AQP9: variants seen among roughly 807,000 people sequenced by gnomAD.
AQP9 encodes aquaporin-9.
In AQP9, 19 loss-of-function variants were observed where a neutral mutation model predicts 23.8. That is an observed-to-expected ratio of 0.80 (90% CI 0.56 to 1.17). The LOEUF (loss-of-function observed/expected upper bound fraction) is 1.17, where lower values mean the gene tolerates loss of function less well. Ranked by LOEUF, AQP9 falls within the 50% of genes most tolerant of loss-of-function variation. The pLI is 0.00. For missense variants in AQP9, 413 were observed against 362.0 expected (o/e 1.14, Z -1.14); for synonymous variants, 153 against 131.5 (o/e 1.16, Z -1.12).
chr15:58,145,391 T>C (rs887480370), intron 1 of AQP9, among the ~76,000 whole-genome samples: 1 of 151,610 alleles, frequency 6.6e-6, no homozygotes, highest in Admixed American at 6.6e-5. Flanking sequence ...TAATCCCAGC[T>C]ACTCAGGAGG....
rs990682617 is a variant in AQP9, at chr15:58,182,061, T to C, written c.714-1900T>C. 1.5e-4 allele frequency among the ~76,000 whole-genome samples: 23 copies of C among 152,288 alleles called. 1 individual carries two copies. The highest frequency in any genetic ancestry group is 7.8e-4 in the Admixed American group (12 of 15,304). On this transcript the variant is annotated intron_variant, in intron 5 of 5. Coordinates refer to ENST00000219919, the MANE Select transcript of AQP9 (RefSeq NM_020980.5). ...TCCTGAACGGCAAGCAGTGGAATGA[T>C]GGCAGGTACAGCGAGATGCCAGAGG...
chr15:58,158,755 A>G (rs1898314342), intron 1 of AQP9, among the ~76,000 whole-genome samples: 1 of 152,234 alleles, frequency 6.6e-6, no homozygotes, highest in Non-Finnish European at 1.5e-5. Flanking sequence ...CACAAAAGGT[A>G]GATAGAAGAC....
intron 2 of AQP9, among the ~76,000 whole-genome samples, chr15:58,169,424 C>G (rs773209573): frequency 6.6e-6 from 1 of 152,206 alleles, no homozygotes; most frequent in Non-Finnish European, 1.5e-5. Context: ...TGCAGCACAA[C>G]ACACTGGCCC....
At position 58,181,665 on chromosome 15, in the gene AQP9, T is replaced by C. The variant is rs1012887365; in HGVS notation, c.714-2296T>C. On this transcript the variant is annotated intron_variant, in intron 5 of 5. Coordinates refer to ENST00000219919, the MANE Select transcript of AQP9 (RefSeq NM_020980.5). ...GACCTGGACTCCCAGAATGAGAATT[T>C]TGGCTTTTCTTCTGCTCCCTGTTTT... 1.5e-4 allele frequency among the ~76,000 whole-genome samples: 23 copies of C among 152,266 alleles called. 1 individual carries two copies. Among genetic ancestry groups the C allele is most frequent in the Admixed American group, 7.8e-4 (12 of 15,292 alleles).
At chr15:58,181,443 A>G (rs1898887286) in intron 5 of AQP9, among the ~76,000 whole-genome samples, 2 of 152,354 alleles carry the variant, frequency 1.3e-5, no homozygotes, top group Non-Finnish European at 2.9e-5. Flanking sequence ...AGAGGTCTAC[A>G]GCTCCAAATT....
At chr15:58,150,502 A>T (rs907079594) in intron 1 of AQP9, 1 of 152,614 alleles carries the variant, frequency 6.6e-6, no homozygotes, top group Non-Finnish European at 1.5e-5. Flanking sequence ...CCGCTGCCTG[A>T]TATTGACACT....
intron 1 of AQP9, among the ~76,000 whole-genome samples, chr15:58,141,991 A>G (rs1444495167): frequency 6.6e-6 from 1 of 152,200 alleles, no homozygotes; most frequent in African/African-American, 2.4e-5. Flanking sequence ...ATGCCCAGGT[A>G]CTGGCAGGAG....
intron 4 of AQP9, 140 bp downstream of exon 4, chr15:58,175,176 T>C (rs1898720791): frequency 1.2e-6 from 1 of 829,440 alleles, no homozygotes; most frequent in Non-Finnish European, 1.9e-6. Flanking sequence ...AACCCAAGCT[T>C]TCTTGATAAT....
chr15:58,149,462 T>C (rs1421436774), intron 1 of AQP9, among the ~76,000 whole-genome samples: 3 of 152,308 alleles, frequency 2.0e-5, no homozygotes, highest in Admixed American at 1.3e-4. Context: ...AGCAATTCTT[T>C]TAACTTCTCT....
intron 3 of AQP9, 132 bp downstream of exon 3, chr15:58,173,337 T>G: frequency 7.7e-7 from 1 of 1,299,260 alleles, no homozygotes; most frequent in Admixed American, 2.4e-5. Flanking sequence ...GTTCTAAATT[T>G]GAGAAAATGA....
chr15:58,173,593 G>A (rs1465458991), intron 3 of AQP9, among the ~76,000 whole-genome samples: 1 of 152,152 alleles, frequency 6.6e-6, no homozygotes, highest in Non-Finnish European at 1.5e-5. Context: ...CTGGGAAGAT[G>A]TCTTTGAAGG....
chr15:58,161,785 A>G (rs1020164990), intron 1 of AQP9, among the ~76,000 whole-genome samples: 1 of 152,172 alleles, frequency 6.6e-6, no homozygotes, highest in Non-Finnish European at 1.5e-5. Flanking sequence ...CATTAATGTT[A>G]TCTCATTTGA....
Position 58,173,062 on chromosome 15 carries a change from T to G in AQP9, c.239-6T>G. 2.5e-6 allele frequency: 4 copies of G among 1,613,930 alleles called. No individual in the cohort carries two copies. Among genetic ancestry groups the G allele is most frequent in the Non-Finnish European group, 3.4e-6 (4 of 1,179,792 alleles). On this transcript the variant is annotated splice_region_variant and splice_polypyrimidine_tract_variant and intron_variant, in intron 2 of 5. Transcript: ENST00000219919. ...GCCCTCTCACTTCTCCAATCTTCCC[T>G]TGCAGGTGGTCACATCAACCCAGCT...
intron 1 of AQP9, chr15:58,151,322 A>G (rs1006823746): frequency 1.3e-5 from 2 of 152,166 alleles, no homozygotes; most frequent in African/African-American, 2.4e-5. Context: ...ATTTACTTCA[A>G]TGCTAAAAGT....
At chr15:58,172,380 A>C (rs2414546) in intron 2 of AQP9, among the ~76,000 whole-genome samples, 67,168 of 152,128 alleles carry the variant, frequency 0.44, 16,602 homozygotes, top group Admixed American at 0.6. Flanking sequence ...ACCACAGAGC[A>C]AACTCTCTAT....
chr15:58,183,068 C>G (rs1248041737), intron 5 of AQP9, among the ~76,000 whole-genome samples: 2 of 152,162 alleles, frequency 1.3e-5, no homozygotes, highest in African/African-American at 2.4e-5. Flanking sequence ...GCTATGGGTC[C>G]TTCTAGAATC....
At chr15:58,183,584 A>G (rs1406942702) in intron 5 of AQP9, among the ~76,000 whole-genome samples, 1 of 152,124 alleles carries the variant, frequency 6.6e-6, no homozygotes, top group Non-Finnish European at 1.5e-5. Context: ...GAATCTCTCC[A>G]CATTCTGCTT....
intron 1 of AQP9, chr15:58,152,386 C>A (rs1264615100): frequency 1.3e-5 from 2 of 152,120 alleles, no homozygotes; most frequent in African/African-American, 4.8e-5. Context: ...ATGAGGGACA[C>A]TTGTGTATTA....
chr15:58,139,916 A>T (rs1339393218), intron 1 of AQP9, among the ~76,000 whole-genome samples: 4 of 152,216 alleles, frequency 2.6e-5, no homozygotes, highest in African/African-American at 9.7e-5. Flanking sequence ...ATGTAGTAAG[A>T]CATTATGTAA....
Sources: allele counts gnomAD v4.1 joint callset (sites outside exome capture counted in the v4.1 genomes callset), GRCh38; gene constraint gnomAD v4.1.1; transcripts MANE v1.5; gene names NCBI Gene and HGNC (gene_info 2026-07-23, HGNC 2026-07-21).